Variants in COL4A2 observed in about 807,000 individuals in gnomAD.
COL4A2 encodes collagen alpha-2(IV) chain.
A neutral mutation model predicts 200.2 loss-of-function variants in COL4A2; 99 were observed. That is an observed-to-expected ratio of 0.49 (90% CI 0.42 to 0.58). COL4A2 has a LOEUF of 0.58. Ranked by LOEUF, COL4A2 falls within the 20% of genes least tolerant of loss-of-function variation. The probability of loss-of-function intolerance (pLI) is 0.00; values close to 1 mark genes in which losing one functional copy is unlikely to be tolerated. For synonymous variants in COL4A2, 897 were observed against 900.6 expected, an observed-to-expected ratio of 1.00 and a Z score of 0.07; for missense variants, 1,950 against 2,314.1, an observed-to-expected ratio of 0.84 and a Z score of 3.23.
intron 47 of COL4A2, among the ~76,000 whole-genome samples, chr13:110,510,337 C>T (rs549957439): frequency 2.6e-5 from 4 of 152,234 alleles, no homozygotes; most frequent in East Asian, 1.9e-4. Flanking sequence ...CCCCTCCCCT[C>T]GGTGGCCTCT....
chr13:110,503,043 G>A (rs1295392791), intron 41 of COL4A2, 78 bp from the exon 42 acceptor site: 10 of 1,352,402 alleles, frequency 7.4e-6, no homozygotes, highest in East Asian at 2.3e-5. Context: ...CGCCTGAATG[G>A]GTGACGGTGC....
chr13:110,462,547 CTT>C, intron 24 of COL4A2, 163 bp downstream of exon 24: 1 of 624,802 alleles, frequency 1.6e-6, no homozygotes, highest in Non-Finnish European at 2.7e-6. Context: ...AGAAATCAGA[CTT>C]TTTAGGAAAC....
chr13:110,412,904 C>G (rs1879898773), intron 4 of COL4A2, among the ~76,000 whole-genome samples: 1 of 152,192 alleles, frequency 6.6e-6, no homozygotes, highest in African/African-American at 2.4e-5. Context: ...TATGACTCCA[C>G]TTGAGAGGCC....
chr13:110,308,919 G>C (rs1231570941), intron 3 of COL4A2, among the ~76,000 whole-genome samples: 1 of 152,214 alleles, frequency 6.6e-6, no homozygotes, highest in African/African-American at 2.4e-5. Context: ...CAAATGTTTA[G>C]ACAGGAGCTG....
At chr13:110,329,634 A>G (rs781111887) in intron 3 of COL4A2, among the ~76,000 whole-genome samples, 33 of 152,376 alleles carry the variant, frequency 2.2e-4, no homozygotes, top group Non-Finnish European at 4.0e-4. Flanking sequence ...GTGGAAGTCA[A>G]TAACATGCCT....
intron 4 of COL4A2, among the ~76,000 whole-genome samples, chr13:110,412,742 C>T (rs115296958): frequency 0.02 from 3,021 of 152,308 alleles, 88 homozygotes; most frequent in African/African-American, 0.069. Flanking sequence ...GTTACCAGAA[C>T]TAAATTTGGA....
intron 4 of COL4A2, among the ~76,000 whole-genome samples, chr13:110,415,356 CCAAA>C (rs1880001144): frequency 6.6e-6 from 1 of 152,008 alleles, no homozygotes; most frequent in Non-Finnish European, 1.5e-5. Context: ...TAGGCAGTAG[CCAAA>C]GGAGGAGAAG....
chr13:110,420,533 A>G (rs1880208722), intron 4 of COL4A2, among the ~76,000 whole-genome samples: 2 of 152,204 alleles, frequency 1.3e-5, no homozygotes, highest in African/African-American at 4.8e-5. Flanking sequence ...GGAGCTTTAG[A>G]AATTTAGGAG....
At chr13:110,318,749 C>T (rs1205101939) in intron 3 of COL4A2, among the ~76,000 whole-genome samples, 1 of 152,186 alleles carries the variant, frequency 6.6e-6, no homozygotes, top group East Asian at 1.9e-4. Flanking sequence ...GCAATCTTAG[C>T]ATTGCGGTGC....
chr13:110,482,225 G>T (rs571004657), intron 31 of COL4A2, among the ~76,000 whole-genome samples: 1 of 152,348 alleles, frequency 6.6e-6, no homozygotes, highest in South Asian at 2.1e-4. Context: ...GTGGGCCAGT[G>T]AACCTGCATC....
At position 110,449,859 on chromosome 13, in the gene COL4A2, G is replaced by A; in HGVS notation, c.1189+70G>A. 2.7e-6 allele frequency: 4 copies of A among 1,469,888 alleles called. No individual in the cohort carries two copies. The South Asian group carries it at 5.1e-5, about 19-fold the overall frequency. The allele number at this position is 1,469,888 out of a possible 1,614,324, so 91.1% of individuals were successfully genotyped here. Reference sequence around the variant, plus strand: ...GCACTCAGGTCCTAGCACACACAAGGGAGACTTCGTTGACGACGTAGCTAT... The same window carrying A: ...GCACTCAGGTCCTAGCACACACAAGAGAGACTTCGTTGACGACGTAGCTAT... On this transcript the variant is annotated intron_variant, in intron 19 of 47. Transcript: ENST00000360467.
intron 3 of COL4A2, among the ~76,000 whole-genome samples, chr13:110,341,219 C>T (rs1346375695): frequency 1.3e-5 from 2 of 152,250 alleles, no homozygotes; most frequent in East Asian, 3.8e-4. Context: ...ATCGGGACGA[C>T]GGGCTTCTCC....
chr13:110,393,919 T>A (rs1188068020), intron 4 of COL4A2, among the ~76,000 whole-genome samples: 2 of 151,962 alleles, frequency 1.3e-5, no homozygotes, highest in African/African-American at 2.4e-5. Context: ...ACAATGAGGG[T>A]CAAAGTATCT....
At chr13:110,447,072 A>G (rs1023109365) in intron 18 of COL4A2, among the ~76,000 whole-genome samples, 2 of 152,240 alleles carry the variant, frequency 1.3e-5, no homozygotes, top group Non-Finnish European at 2.9e-5. Flanking sequence ...TGTCACAGGG[A>G]GACCTTCATG....
chr13:110,473,546 T>G, intron 29 of COL4A2: 1 of 183,194 alleles, frequency 5.5e-6, no homozygotes, highest in Non-Finnish European at 1.1e-5. Context: ...AGAAATAATC[T>G]GGAATGCAAT....
At chr13:110,399,970 A>G (rs1223476831) in intron 4 of COL4A2, among the ~76,000 whole-genome samples, 1 of 152,212 alleles carries the variant, frequency 6.6e-6, no homozygotes, top group African/African-American at 2.4e-5. Flanking sequence ...AGAGAATCTA[A>G]TGTTCTTGAA....
At chr13:110,506,361 TC>T in intron 45 of COL4A2, 53 bp from the exon 46 acceptor site, 1 of 1,545,860 alleles carries the variant, frequency 6.5e-7, no homozygotes, top group Non-Finnish European at 8.8e-7. Context: ...TCTCTCTCTT[TC>T]TCGGGCTGCA....
chr13:110,419,537 G>A (rs1227661197), intron 4 of COL4A2, among the ~76,000 whole-genome samples: 8 of 152,314 alleles, frequency 5.3e-5, no homozygotes, highest in Non-Finnish European at 7.4e-5. Flanking sequence ...GCGTGTGCCC[G>A]TATCTGATCA....
Position 110,402,443 on chromosome 13 carries a change from G to A in COL4A2, c.181-22291G>A, listed in dbSNP as rs189813841. ...GAGAGTCATCTCTGACTCCATATCC[G>A]CCTTCTGGACACACTGGGGTGGGGA... On this transcript the variant is annotated intron_variant, in intron 4 of 47. Coordinates refer to ENST00000360467, the MANE Select transcript of COL4A2 (RefSeq NM_001846.4). 5.0e-4 allele frequency among the ~76,000 whole-genome samples: 76 copies of A among 152,260 alleles called. 1 individual carries two copies. The highest frequency in any genetic ancestry group is 1.1e-3 in the African/African-American group (46 of 41,556).
Sources: gnomAD v4.1 joint callset for allele counts (sites outside exome capture counted in the v4.1 genomes callset) on GRCh38, gnomAD v4.1.1 for gene constraint, MANE v1.5 for transcripts, NCBI Gene and HGNC (gene_info 2026-07-23, HGNC 2026-07-21) for gene names.